The following TET2 variants were observed in gnomAD, a reference collection of about 807,000 sequenced individuals.
The protein encoded by TET2 is tet methylcytosine dioxygenase 2, also known as methylcytosine dioxygenase TET2.
A neutral mutation model predicts 142.9 loss-of-function variants in TET2; 299 were observed. That is an observed-to-expected ratio of 2.09 (90% confidence interval 1.90 to 2.30). The LOEUF (loss-of-function observed/expected upper bound fraction) is 2.30. Among genes scored for constraint, TET2 ranks in the 30% most tolerant of loss-of-function variants. TET2 has a pLI of 0.00. For synonymous variants in TET2, 819 were observed against 849.0 expected (o/e 0.96, Z 0.61); for missense variants, 2,418 against 2,378.0 (o/e 1.02, Z -0.35).
chr4:105,191,182 C>T (rs1185877389), intron 2 of TET2, among the ~76,000 whole-genome samples: 2 of 152,160 alleles, frequency 1.3e-5, no homozygotes, highest in Non-Finnish European at 2.9e-5. Flanking sequence ...CCCCCAGGCC[C>T]AGTTCATATG....
chr4:105,181,889 CTTTA>C (rs1398418079), intron 1 of TET2, among the ~76,000 whole-genome samples: 2 of 151,830 alleles, frequency 1.3e-5, no homozygotes, highest in East Asian at 1.9e-4. Flanking sequence ...ATACTACTTT[CTTTA>C]TTTAGGGAGG....
intron 6 of TET2, among the ~76,000 whole-genome samples, chr4:105,244,828 C>T (rs921071667): frequency 6.6e-6 from 1 of 152,152 alleles, no homozygotes; most frequent in African/African-American, 2.4e-5. Context: ...CTCCCGACCT[C>T]AGGTGATTGC....
intron 1 of TET2, among the ~76,000 whole-genome samples, chr4:105,151,537 A>G (rs977161118): frequency 1.6e-4 from 25 of 151,706 alleles, no homozygotes; most frequent in African/African-American, 5.8e-4. Flanking sequence ...TGATAATATC[A>G]TCCTACCTGC....
chr4:105,244,500 C>A (rs1729475175), intron 6 of TET2, among the ~76,000 whole-genome samples: 2 of 151,382 alleles, frequency 1.3e-5, no homozygotes, highest in African/African-American at 4.9e-5. Flanking sequence ...TTGGAAAAAG[C>A]CTCATTTTTA....
intron 6 of TET2, among the ~76,000 whole-genome samples, chr4:105,246,813 C>A (rs1314535190): frequency 6.6e-6 from 1 of 152,186 alleles, no homozygotes; most frequent in Non-Finnish European, 1.5e-5. Context: ...ATGCTCCAAA[C>A]CACCCACTGT....
At chr4:105,219,943 T>C (rs1727716911) in intron 2 of TET2, among the ~76,000 whole-genome samples, 1 of 152,138 alleles carries the variant, frequency 6.6e-6, no homozygotes, top group Admixed American at 6.6e-5. Flanking sequence ...ATAATTTACT[T>C]TCTTATTGTG....
intron 2 of TET2, among the ~76,000 whole-genome samples, chr4:105,195,623 A>T (rs1175866898): frequency 6.6e-6 from 1 of 152,168 alleles, no homozygotes; most frequent in Non-Finnish European, 1.5e-5. Context: ...TACAATGTCC[A>T]TGCTATGTAA....
rs1466911086 is a variant in TET2, at chr4:105,272,715, A to G, written c.4334A>G (p.Gln1445Arg). 20 of 1,551,632 alleles carry G rather than the reference A, an allele frequency of 1.3e-5. No homozygotes were observed. The highest frequency in any genetic ancestry group is 3.9e-5 in the Admixed American group (2 of 50,986). ...QEEKKRSGAI[Q>R]VLSSFRRKVR... ...GAGAAAAAACGGAGTGGTGCCATTC[A>G]GGTACTGAGTTCTTTTCGGCGAAAA... The change falls in exon 10 of 11, where the codon CAG becomes CGG. Residue 1445 changes from glutamine (Q) to arginine (R), a missense_variant. Gln to Arg is a conservative substitution (Grantham distance 43). Transcript: ENST00000380013.
rs568323283 is a variant in TET2, at chr4:105,183,644, G to C, written c.-192-6716G>C. ...AGAACCCAAGATTAATTTATACTTT[G>C]TTATCTCTTCTACAGCCTACCCCCT... On this transcript the variant is annotated intron_variant, in intron 1 of 10. Transcript: ENST00000380013. Among the ~76,000 whole-genome samples, 3 of 152,074 alleles carry C rather than the reference G, an allele frequency of 2.0e-5. No homozygotes were observed. In the East Asian group the frequency reaches 5.8e-4, roughly 29 times the overall value.
chr4:105,248,035 T>C (rs904141049), intron 6 of TET2, among the ~76,000 whole-genome samples: 1 of 152,200 alleles, frequency 6.6e-6, no homozygotes, highest in Non-Finnish European at 1.5e-5. Flanking sequence ...TTTTAAGTAA[T>C]ATAAGTATGT....
At chr4:105,180,786 T>C (rs1483585190) in intron 1 of TET2, among the ~76,000 whole-genome samples, 1 of 152,100 alleles carries the variant, frequency 6.6e-6, no homozygotes, top group Non-Finnish European at 1.5e-5. Context: ...ATTACAGGCA[T>C]GTGCCACCAC....
intron 6 of TET2, among the ~76,000 whole-genome samples, 177 bp downstream of exon 6, chr4:105,243,955 G>T (rs1329155069): frequency 6.6e-6 from 1 of 152,234 alleles, no homozygotes; most frequent in Non-Finnish European, 1.5e-5. Flanking sequence ...AACTTGAGAT[G>T]ATTTCATTAT....
intron 2 of TET2, among the ~76,000 whole-genome samples, chr4:105,199,353 T>C (rs535692022): frequency 3.3e-5 from 5 of 152,326 alleles, no homozygotes; most frequent in Non-Finnish European, 7.4e-5. Flanking sequence ...GCAAAGGTTT[T>C]TGTCTTTTTT....
chr4:105,212,160 A>G (rs1727202768), intron 2 of TET2, among the ~76,000 whole-genome samples: 1 of 152,204 alleles, frequency 6.6e-6, no homozygotes, highest in African/African-American at 2.4e-5. Flanking sequence ...AACATGAGAA[A>G]TTCCAAATGT....
chr4:105,257,132 A>C (rs2133086), intron 6 of TET2, among the ~76,000 whole-genome samples: 78,991 of 151,904 alleles, frequency 0.52, 20,898 homozygotes, highest in African/African-American at 0.6. Flanking sequence ...AATTGTTTAG[A>C]CATTTTAAAC....
In TET2 at chr4:105,234,547, A is replaced by G. The variant is rs368921964; in HGVS notation, c.605A>G (p.Asn202Ser). 2 of 1,614,182 alleles carry G rather than the reference A, an allele frequency of 1.2e-6. No individual in the cohort carries two copies. Among genetic ancestry groups the G allele is most frequent in the Non-Finnish European group, 1.7e-6 (2 of 1,180,022 alleles). ...GACAAGAACATTGTATTACTTAAAA[A>G]CAAGGCAGTGCTAATGCCTAATGGT... ...YHDKNIVLLKNKAVLMPNGAT... is the reference protein window; with the variant it reads ...YHDKNIVLLKSKAVLMPNGAT... The change falls in exon 3 of 11, where the codon AAC (asparagine) becomes AGC (serine). Residue 202 changes from asparagine to serine, a missense_variant. Physicochemically the swap from Asn to Ser is conservative, Grantham distance 46 (BLOSUM62 1). Transcript: ENST00000380013.
intron 1 of TET2, among the ~76,000 whole-genome samples, chr4:105,157,658 G>A (rs1233446813): frequency 6.6e-6 from 1 of 152,068 alleles, no homozygotes; most frequent in Non-Finnish European, 1.5e-5. Flanking sequence ...CTAACTGTGG[G>A]AACTAAAAAT....
At chr4:105,232,360 A>C (rs1316298993) in intron 2 of TET2, among the ~76,000 whole-genome samples, 1 of 152,186 alleles carries the variant, frequency 6.6e-6, no homozygotes, top group African/African-American at 2.4e-5. Flanking sequence ...AGAATGATTT[A>C]TATCCCTTTG....
At position 105,235,327 on chromosome 4, in the gene TET2, G is replaced by C. The variant is rs2110226942; in HGVS notation, c.1385G>C (p.Ser462Thr). ...EGKPEAPPSQ[S>T]PNPSTHVCSP... Reference sequence around the variant, plus strand: ...AAACCTGAGGCACCACCTTCCCAGAGTCCTAATCCATCTACACATGTATGC... The same window carrying C: ...AAACCTGAGGCACCACCTTCCCAGACTCCTAATCCATCTACACATGTATGC... The change falls in exon 3 of 11, where the codon AGT (serine) becomes ACT (threonine). Residue 462 changes from serine (S) to threonine (T), a missense_variant. Ser to Thr is a moderately conservative substitution (Grantham distance 58). Coordinates refer to ENST00000380013, the MANE Select transcript of TET2 (RefSeq NM_001127208.3). 6.2e-7 allele frequency: 1 copy of C among 1,614,058 alleles called. No individual in the cohort carries two copies. The highest frequency in any genetic ancestry group is 8.5e-7 in the Non-Finnish European group (1 of 1,179,990).
Sources: allele counts gnomAD v4.1 joint callset (sites outside exome capture counted in the v4.1 genomes callset), GRCh38; gene constraint gnomAD v4.1.1; transcripts MANE v1.5; gene names NCBI Gene and HGNC (gene_info 2026-07-23, HGNC 2026-07-21).